Variants in EXOC4 observed in about 807,000 individuals in gnomAD.
EXOC4 encodes exocyst complex component 4, also known as SEC8-like 1.
A neutral mutation model predicts 107.2 loss-of-function variants in EXOC4; 71 were observed. The observed-to-expected ratio is 0.66, with a 90% confidence interval of 0.55 to 0.81. The LOEUF is 0.81. Among genes scored for constraint, EXOC4 ranks in the 30% least tolerant of loss-of-function variants. The pLI is 0.00. For missense variants in EXOC4, 1,108 were observed against 1,189.6 expected (o/e 0.93, Z 1.01); for synonymous variants, 456 against 441.2 (o/e 1.03, Z -0.42).
intron 8 of EXOC4, among the ~76,000 whole-genome samples, chr7:133,477,220 C>CT (rs1055407780): frequency 1.3e-4 from 20 of 152,254 alleles, no homozygotes; most frequent in Admixed American, 9.2e-4. Flanking sequence ...TTGTACAGTT[C>CT]TAATGGGTTT....
downstream of EXOC4, among the ~76,000 whole-genome samples, chr7:134,068,627 T>C (rs1054102940): frequency 2.0e-5 from 3 of 152,216 alleles, no homozygotes; most frequent in Admixed American, 6.5e-5. Context: ...CTATTACTTC[T>C]ATTACATTAC....
chr7:133,298,539 A>G (rs970985115), intron 3 of EXOC4, among the ~76,000 whole-genome samples: 2 of 152,168 alleles, frequency 1.3e-5, no homozygotes, highest in Non-Finnish European at 2.9e-5. Context: ...CTTACAGAGC[A>G]CTGATGGGAA....
chr7:133,899,750 T>A (rs1380159895), intron 12 of EXOC4, among the ~76,000 whole-genome samples: 1 of 145,634 alleles, frequency 6.9e-6, no homozygotes, highest in Admixed American at 6.8e-5. Context: ...GTACTCTTTT[T>A]TTTTTTTTTT....
intron 9 of EXOC4, among the ~76,000 whole-genome samples, chr7:133,607,723 T>C (rs1801981887): frequency 6.6e-6 from 1 of 152,210 alleles, no homozygotes; most frequent in South Asian, 2.1e-4. Context: ...AATCGATTTA[T>C]AGACTTCTCA....
intron 10 of EXOC4, among the ~76,000 whole-genome samples, chr7:133,740,237 T>G (rs948189629): frequency 1.3e-5 from 2 of 152,168 alleles, no homozygotes; most frequent in Admixed American, 6.6e-5. Flanking sequence ...CAGGAAGACT[T>G]GATATGCATT....
At chr7:133,823,497 G>A (rs1797574659) in intron 11 of EXOC4, among the ~76,000 whole-genome samples, 1 of 151,876 alleles carries the variant, frequency 6.6e-6, no homozygotes, top group South Asian at 2.1e-4. Flanking sequence ...ATCAGTTATT[G>A]CTGGCAGAGA....
At chr7:133,440,087 C>A (rs756928948) in intron 7 of EXOC4, among the ~76,000 whole-genome samples, 4 of 152,198 alleles carry the variant, frequency 2.6e-5, no homozygotes, top group Non-Finnish European at 2.9e-5. Context: ...CCCTCTCCCA[C>A]CCCCACAGGG....
chr7:133,461,876 C>T (rs765441702), intron 7 of EXOC4, among the ~76,000 whole-genome samples: 15 of 152,052 alleles, frequency 9.9e-5, no homozygotes, highest in Admixed American at 3.3e-4. Flanking sequence ...GGCTGACAGG[C>T]GGCAGAGAAG....
At chr7:133,639,935 T>C (rs1459326284) in intron 10 of EXOC4, among the ~76,000 whole-genome samples, 1 of 152,130 alleles carries the variant, frequency 6.6e-6, no homozygotes, top group African/African-American at 2.4e-5. Flanking sequence ...TATCACTCTT[T>C]AGTGAAGGAA....
chr7:134,049,984 A>G (rs1028862583), intron 17 of EXOC4, among the ~76,000 whole-genome samples: 6 of 152,242 alleles, frequency 3.9e-5, no homozygotes, highest in Non-Finnish European at 8.8e-5. Flanking sequence ...ATTAAGAAGA[A>G]TGAGGCAGGT....
chr7:133,782,997 G>A (rs577084967), intron 10 of EXOC4, among the ~76,000 whole-genome samples: 53 of 152,138 alleles, frequency 3.5e-4, no homozygotes, highest in Non-Finnish European at 5.6e-4. Context: ...ATATATTTGC[G>A]TAGTGATTTT....
intron 9 of EXOC4, among the ~76,000 whole-genome samples, chr7:133,512,934 C>T (rs895027271): frequency 3.9e-5 from 6 of 152,194 alleles, no homozygotes; most frequent in South Asian, 2.1e-4. Flanking sequence ...GGCAGAACCC[C>T]GTCTCTACTA....
At chr7:133,571,872 T>C (rs1801030866) in intron 9 of EXOC4, among the ~76,000 whole-genome samples, 1 of 152,150 alleles carries the variant, frequency 6.6e-6, no homozygotes, top group Non-Finnish European at 1.5e-5. Context: ...ATTTTGTTTT[T>C]CTAAGTAACA....
chr7:133,367,224 G>T (rs1796267516), intron 6 of EXOC4, among the ~76,000 whole-genome samples: 1 of 152,144 alleles, frequency 6.6e-6, no homozygotes, highest in Admixed American at 6.6e-5. Context: ...GGGCAAATGA[G>T]CTCAGCTAGA....
At chr7:133,877,353 G>A (rs1426271281) in intron 11 of EXOC4, among the ~76,000 whole-genome samples, 1 of 151,782 alleles carries the variant, frequency 6.6e-6, no homozygotes, top group Non-Finnish European at 1.5e-5. Context: ...GACATGCGAG[G>A]TTTTTTTTAC....
intron 7 of EXOC4, among the ~76,000 whole-genome samples, chr7:133,451,489 A>G (rs1269991384): frequency 2.1e-5 from 2 of 94,158 alleles, no homozygotes; most frequent in East Asian, 3.5e-4. Context: ...TAATTTACTA[A>G]TATTTTATTT....
At chr7:133,298,793 T>C (rs930937674) in intron 3 of EXOC4, among the ~76,000 whole-genome samples, 24 of 152,146 alleles carry the variant, frequency 1.6e-4, no homozygotes, top group African/African-American at 5.8e-4. Context: ...TTCTAGAATT[T>C]TATTTTAAAG....
chr7:133,411,251 T>C (rs1797348901), intron 7 of EXOC4, among the ~76,000 whole-genome samples: 1 of 152,218 alleles, frequency 6.6e-6, no homozygotes, highest in African/African-American at 2.4e-5. Flanking sequence ...ATTCTCACTT[T>C]TGTAAAAAAT....
At chr7:133,979,652 G>A (rs948524293) in intron 14 of EXOC4, among the ~76,000 whole-genome samples, 1 of 152,070 alleles carries the variant, frequency 6.6e-6, no homozygotes, top group Non-Finnish European at 1.5e-5. Flanking sequence ...GCCGGGCATG[G>A]TGGCGGGCGC....
Sources: gnomAD v4.1 joint callset for allele counts (sites outside exome capture counted in the v4.1 genomes callset) on GRCh38, gnomAD v4.1.1 for gene constraint, MANE v1.5 for transcripts, NCBI Gene and HGNC (gene_info 2026-07-23, HGNC 2026-07-21) for gene names.